PCDH9: variants seen among roughly 807,000 people sequenced by gnomAD.
PCDH9 encodes the protein protocadherin-9.
A neutral mutation model predicts 70.6 loss-of-function variants in PCDH9; 24 were observed. That is an observed-to-expected ratio of 0.34 (90% CI 0.25 to 0.48). The LOEUF is 0.48. Ranked by LOEUF, PCDH9 falls within the 20% of genes least tolerant of loss-of-function variation. The pLI is 0.99. For synonymous variants in PCDH9, 562 were observed against 558.5 expected, an observed-to-expected ratio of 1.01 and a Z score of -0.09; for missense variants, 1,281 against 1,503.6, an observed-to-expected ratio of 0.85 and a Z score of 2.45.
chr13:67,089,625 G>A (rs547640852), intron 2 of PCDH9, among the ~76,000 whole-genome samples: 1 of 151,930 alleles, frequency 6.6e-6, no homozygotes, highest in Non-Finnish European at 1.5e-5. Context: ...GACAAAAAAT[G>A]AGCTCCAGAA....
At chr13:67,100,878 T>G (rs2086418707) in intron 2 of PCDH9, among the ~76,000 whole-genome samples, 1 of 152,172 alleles carries the variant, frequency 6.6e-6, no homozygotes, top group East Asian at 1.9e-4. Flanking sequence ...AAAGAAGTAG[T>G]GCAGAGAATA....
At chr13:66,312,806 G>A (rs1212005198) in intron 4 of PCDH9, among the ~76,000 whole-genome samples, 1 of 152,164 alleles carries the variant, frequency 6.6e-6, no homozygotes, top group Non-Finnish European at 1.5e-5. Flanking sequence ...ACCAGGATTG[G>A]ACAAAACCTC....
intron 4 of PCDH9, among the ~76,000 whole-genome samples, chr13:66,442,236 A>C (rs1255160356): frequency 1.3e-5 from 2 of 152,190 alleles, no homozygotes; most frequent in Non-Finnish European, 2.9e-5. Context: ...AATAAATAAA[A>C]GTTTAGAGAT....
At chr13:67,073,580 T>C (rs1340406774) in intron 2 of PCDH9, among the ~76,000 whole-genome samples, 1 of 152,112 alleles carries the variant, frequency 6.6e-6, no homozygotes, top group East Asian at 1.9e-4. Context: ...TATATAACTA[T>C]GTGCAATAAA....
At chr13:66,860,178 C>T (rs771416037) in intron 3 of PCDH9, among the ~76,000 whole-genome samples, 2 of 152,112 alleles carry the variant, frequency 1.3e-5, no homozygotes, top group African/African-American at 2.4e-5. Flanking sequence ...TCCTGAGTGG[C>T]GTCTGTTTTT....
chr13:66,884,706 T>C (rs1401525517), intron 3 of PCDH9, among the ~76,000 whole-genome samples: 2 of 152,116 alleles, frequency 1.3e-5, no homozygotes, highest in African/African-American at 2.4e-5. Context: ...ATAGAAGAGA[T>C]ACCTTTGAGG....
rs376674193 is a variant in PCDH9 at position 66,935,512 on chromosome 13, T to G, written c.3037-31907A>C. On this transcript the variant is annotated intron_variant, in intron 2 of 4. Transcript: ENST00000377865. ...GAAATAAAGTGATACAATGTGCAAA[T>G]AAATTGAAGAAAATAAGCTCTACCT... is the stretch of plus-strand genomic sequence containing the variant. Among the ~76,000 whole-genome samples the G allele has an allele frequency of 1.7e-3, 260 of 152,238 alleles. 1 individual carries two copies. Among genetic ancestry groups the G allele is most frequent in the African/African-American group, 5.8e-3 (239 of 41,554 alleles).
chr13:67,120,929 G>GAA (rs879853398), intron 2 of PCDH9, among the ~76,000 whole-genome samples: 5 of 139,762 alleles, frequency 3.6e-5, no homozygotes. Context: ...ACGACAGACA[G>GAA]AAAAAAAAAA....
chr13:67,118,404 C>T (rs1354153595), intron 2 of PCDH9, among the ~76,000 whole-genome samples: 1 of 151,976 alleles, frequency 6.6e-6, no homozygotes, highest in Non-Finnish European at 1.5e-5. Context: ...GGCAAGTAAA[C>T]CTACAGAAAA....
chr13:66,923,295 A>C (rs796152732), intron 2 of PCDH9, among the ~76,000 whole-genome samples: 3 of 151,694 alleles, frequency 2.0e-5, no homozygotes, highest in African/African-American at 7.2e-5. Context: ...CCAAATCTTG[A>C]CTATATAGAA....
intron 2 of PCDH9, among the ~76,000 whole-genome samples, chr13:67,141,279 G>C (rs2087379662): frequency 6.6e-6 from 1 of 152,062 alleles, no homozygotes. Context: ...AAGATTAGTA[G>C]TGGGAAGAAG....
chr13:66,621,324 G>A (rs2077418812), intron 4 of PCDH9, among the ~76,000 whole-genome samples: 1 of 152,148 alleles, frequency 6.6e-6, no homozygotes, highest in Non-Finnish European at 1.5e-5. Context: ...AAGTAGTAAT[G>A]TTAACAGGTC....
chr13:66,410,384 T>C (rs375635248), intron 4 of PCDH9, among the ~76,000 whole-genome samples: 9 of 152,206 alleles, frequency 5.9e-5, no homozygotes, highest in African/African-American at 1.9e-4. Flanking sequence ...ATACAACTAA[T>C]GAACAATTAG....
intron 3 of PCDH9, among the ~76,000 whole-genome samples, chr13:66,676,486 G>A (rs1318772387): frequency 6.6e-6 from 1 of 152,040 alleles, no homozygotes; most frequent in Non-Finnish European, 1.5e-5. Context: ...AATACTTCCT[G>A]TAATTCTTAT....
intron 2 of PCDH9, among the ~76,000 whole-genome samples, chr13:67,048,387 C>T (rs2085262794): frequency 6.6e-6 from 1 of 152,094 alleles, no homozygotes; most frequent in Admixed American, 6.5e-5. Context: ...GAAGACAAGC[C>T]CTGGCCCATA....
intron 2 of PCDH9, among the ~76,000 whole-genome samples, chr13:67,044,673 T>C (rs573692886): frequency 6.6e-6 from 1 of 152,190 alleles, no homozygotes; most frequent in Non-Finnish European, 1.5e-5. Flanking sequence ...GACTTTACAC[T>C]ACAGTTTCAC....
chr13:66,436,448 C>G (rs766436900), intron 4 of PCDH9, among the ~76,000 whole-genome samples: 5 of 152,022 alleles, frequency 3.3e-5, no homozygotes, highest in Admixed American at 6.6e-5. Context: ...CAGAGAAGCA[C>G]CAAATGGACG....
At chr13:66,932,635 T>C (rs926562252) in intron 2 of PCDH9, among the ~76,000 whole-genome samples, 1 of 143,990 alleles carries the variant, frequency 6.9e-6, no homozygotes, top group Non-Finnish European at 1.5e-5. Context: ...TATTTTTTTC[T>C]AGGCTTAAAT....
intron 4 of PCDH9, among the ~76,000 whole-genome samples, chr13:66,359,870 A>G (rs1349226254): frequency 6.6e-6 from 1 of 152,126 alleles, no homozygotes; most frequent in Non-Finnish European, 1.5e-5. Context: ...TAAAATGTAT[A>G]ATTACATTGT....
Sources: allele counts gnomAD v4.1 joint callset (sites outside exome capture counted in the v4.1 genomes callset), GRCh38; gene constraint gnomAD v4.1.1; transcripts MANE v1.5; gene names NCBI Gene and HGNC (gene_info 2026-07-23, HGNC 2026-07-21).